The following CDH8 variants were observed in gnomAD, a reference collection of about 807,000 sequenced individuals.
CDH8 encodes the protein cadherin 8, also known as cadherin-8.
In CDH8, 17 loss-of-function variants were observed where a neutral mutation model predicts 68.1. The ratio of observed to expected loss-of-function variants is 0.25; its 90% CI spans 0.17 to 0.37. The LOEUF is 0.37. Among genes scored for constraint, CDH8 ranks in the 10% least tolerant of loss-of-function variants. CDH8 has a pLI of 1.00. For synonymous variants in CDH8, 372 were observed against 365.1 expected (o/e 1.02, Z -0.21); for missense variants, 763 against 999.3 (o/e 0.76, Z 3.19).
At chr16:61,951,559 G>A (rs1331283208) in intron 2 of CDH8, among the ~76,000 whole-genome samples, 7 of 148,880 alleles carry the variant, frequency 4.7e-5, no homozygotes, top group Non-Finnish European at 8.9e-5. Context: ...TTTTGTATAT[G>A]ACAAAACAGA....
At position 61,651,338 on chromosome 16, in the gene CDH8, GAAA is replaced by G. The variant is rs1567402356; in HGVS notation, c.*2267_*2269del. ...TGTTGGACCATCCCTTTGACCTCAA[GAAA>G]AAGTGTTCACTAGCCGTAATAATAC... On this transcript the variant is annotated 3_prime_UTR_variant, in exon 12 of 12. Coordinates refer to ENST00000577390, the MANE Select transcript of CDH8 (RefSeq NM_001796.5). 1.3e-5 allele frequency: 2 copies of G among 152,062 alleles called. No individual in the cohort carries two copies. Among genetic ancestry groups the G allele is most frequent in the Non-Finnish European group, 2.9e-5 (2 of 68,008 alleles). The allele number at this position is 152,062 out of a possible 1,614,324, so 9.4% of individuals were successfully genotyped here.
chr16:61,732,425 T>G (rs1199828550), intron 8 of CDH8, among the ~76,000 whole-genome samples: 4 of 151,760 alleles, frequency 2.6e-5, no homozygotes, highest in Admixed American at 1.3e-4. Context: ...GCAGCTAACT[T>G]CTCATCTGAA....
At chr16:61,782,217 G>A (rs1359179971) in intron 8 of CDH8, among the ~76,000 whole-genome samples, 1 of 152,206 alleles carries the variant, frequency 6.6e-6, no homozygotes, top group Non-Finnish European at 1.5e-5. Flanking sequence ...AGTGGGCGCA[G>A]GCCAGTGGGT....
intron 4 of CDH8, among the ~76,000 whole-genome samples, chr16:61,847,218 G>A (rs1173592804): frequency 6.6e-6 from 1 of 151,838 alleles, no homozygotes; most frequent in Non-Finnish European, 1.5e-5. Context: ...AGATGGGCCT[G>A]GTTCTAAGCC....
chr16:61,743,661 T>G (rs553693785), intron 8 of CDH8, among the ~76,000 whole-genome samples: 1 of 152,194 alleles, frequency 6.6e-6, no homozygotes. Flanking sequence ...TTATTTTCTA[T>G]CCTATACTTA....
intron 8 of CDH8, among the ~76,000 whole-genome samples, chr16:61,751,382 T>TA (rs71134375): frequency 0.25 from 13,275 of 54,054 alleles, 3,070 homozygotes; most frequent in East Asian, 0.45. Context: ...ATATTCTCCT[T>TA]AAAAAAAAAA....
intron 2 of CDH8, among the ~76,000 whole-genome samples, chr16:61,980,729 A>C (rs1314532006): frequency 1.3e-5 from 2 of 152,226 alleles, no homozygotes; most frequent in Non-Finnish European, 2.9e-5. Context: ...TATTTCTAGA[A>C]AACTTTCCAG....
intron 10 of CDH8, among the ~76,000 whole-genome samples, chr16:61,704,165 G>A (rs958705236): frequency 2.6e-5 from 4 of 152,026 alleles, no homozygotes; most frequent in Admixed American, 6.6e-5. Flanking sequence ...ACTTTGACAC[G>A]CACATAGCGA....
intron 3 of CDH8, among the ~76,000 whole-genome samples, chr16:61,894,462 T>C (rs1242451288): frequency 1.3e-5 from 2 of 152,152 alleles, no homozygotes; most frequent in African/African-American, 4.8e-5. Flanking sequence ...AAGATTAATT[T>C]CCTAATTTTG....
In CDH8 at chr16:61,653,057, A is replaced by G. The variant is rs1963360086; in HGVS notation, c.*551T>C. 7.3e-7 allele frequency: 1 copy of G among 1,379,090 alleles called. No individual in the cohort carries two copies. Among genetic ancestry groups the G allele is most frequent in the Non-Finnish European group, 9.4e-7 (1 of 1,068,058 alleles). The allele number at this position is 1,379,090 out of a possible 1,614,324, so 85.4% of individuals were successfully genotyped here. ...TAGTGAGTGGGGCCAACAATTATGT[A>G]CAATGTGTGGTCACCGTACTGTATA... On this transcript the variant is annotated 3_prime_UTR_variant, in exon 12 of 12. Transcript: ENST00000577390.
chr16:61,664,993 C>T (rs755252762), intron 10 of CDH8, among the ~76,000 whole-genome samples: 4 of 151,920 alleles, frequency 2.6e-5, no homozygotes, highest in Admixed American at 6.6e-5. Context: ...AGGAAGTATT[C>T]GTTATCAACT....
intron 8 of CDH8, among the ~76,000 whole-genome samples, chr16:61,760,459 C>T (rs1186343057): frequency 6.6e-6 from 1 of 151,748 alleles, no homozygotes; most frequent in African/African-American, 2.4e-5. Context: ...TACAGGTGCC[C>T]ACCACCATGC....
intron 3 of CDH8, among the ~76,000 whole-genome samples, chr16:61,880,791 A>T (rs2143124972): frequency 6.6e-6 from 1 of 152,316 alleles, no homozygotes; most frequent in South Asian, 2.1e-4. Flanking sequence ...TGAATCAATA[A>T]CATTCAGCAA....
chr16:61,675,998 G>C (rs1963900364), intron 10 of CDH8, among the ~76,000 whole-genome samples: 1 of 151,472 alleles, frequency 6.6e-6, no homozygotes, highest in Non-Finnish European at 1.5e-5. Flanking sequence ...AAATAAAACA[G>C]AGTGAACCAG....
At chr16:61,789,677 A>G (rs555704589) in intron 7 of CDH8, among the ~76,000 whole-genome samples, 195 bp from the exon 8 acceptor site, 1 of 152,238 alleles carries the variant, frequency 6.6e-6, no homozygotes, top group South Asian at 2.1e-4. Flanking sequence ...CCAAGGAGCA[A>G]TTAGCTACAT....
At chr16:61,866,574 G>T (rs1567506639) in intron 3 of CDH8, among the ~76,000 whole-genome samples, 1 of 147,506 alleles carries the variant, frequency 6.8e-6, no homozygotes, top group Non-Finnish European at 1.5e-5. Flanking sequence ...TATATAGTGT[G>T]TGTGTGTATA....
chr16:61,663,333 T>G (rs1028032731), intron 10 of CDH8, among the ~76,000 whole-genome samples: 2 of 152,022 alleles, frequency 1.3e-5, no homozygotes, highest in African/African-American at 4.8e-5. Context: ...TGTAATTGTG[T>G]TTTTCAAGTA....
chr16:61,769,343 C>A (rs1430501285), intron 8 of CDH8, among the ~76,000 whole-genome samples: 1 of 151,754 alleles, frequency 6.6e-6, no homozygotes, highest in African/African-American at 2.4e-5. Flanking sequence ...ATGTTACATG[C>A]ATTATACAAC....
intron 3 of CDH8, among the ~76,000 whole-genome samples, chr16:61,870,892 A>G (rs1307629927): frequency 6.6e-6 from 1 of 152,156 alleles, no homozygotes; most frequent in Non-Finnish European, 1.5e-5. Context: ...AATATAAAGG[A>G]GCTTCTATGT....
Sources: gnomAD v4.1 joint callset for allele counts (sites outside exome capture counted in the v4.1 genomes callset) on GRCh38, gnomAD v4.1.1 for gene constraint, MANE v1.5 for transcripts, NCBI Gene and HGNC (gene_info 2026-07-23, HGNC 2026-07-21) for gene names.